Variants in TTLL3 observed in about 807,000 individuals in gnomAD.
TTLL3 encodes tubulin monoglycylase TTLL3.
Under a neutral mutation model 75.2 loss-of-function variants are expected in TTLL3, and 63 were observed. That is an observed-to-expected ratio of 0.84 (90% CI 0.68 to 1.03). TTLL3 has a LOEUF of 1.03. Among genes scored for constraint, TTLL3 ranks in the 50% least tolerant of loss-of-function variants. TTLL3 has a pLI of 0.00. For synonymous variants in TTLL3, 393 were observed against 418.5 expected, an observed-to-expected ratio of 0.94 and a Z score of 0.74; for missense variants, 997 against 1,069.9, an observed-to-expected ratio of 0.93 and a Z score of 0.95.
chr3:9,817,053 T>C (rs1345610157), intron 5 of TTLL3, among the ~76,000 whole-genome samples: 3 of 152,148 alleles, frequency 2.0e-5, no homozygotes, highest in African/African-American at 7.2e-5. Context: ...CCTCAAGCAG[T>C]CCTCCCACTT....
chr3:9,830,807 T>C (rs1054627852), intron 11 of TTLL3, among the ~76,000 whole-genome samples: 3 of 151,968 alleles, frequency 2.0e-5, no homozygotes, highest in African/African-American at 7.3e-5. Context: ...GCCCCCCAAA[T>C]ATCTTTTTTT....
chr3:9,818,077 T>C (rs1451361180), intron 6 of TTLL3: 10 of 223,414 alleles, frequency 4.5e-5, no homozygotes, highest in Non-Finnish European at 7.9e-5. Context: ...ATTTGTTGAA[T>C]TGGGTTCCAA....
intron 13 of TTLL3, 74 bp from the exon 14 acceptor site, chr3:9,835,020 C>A: frequency 6.3e-7 from 1 of 1,594,610 alleles, no homozygotes. Context: ...AAGGGAAGAG[C>A]TGGTCTCCCT....
Position 9,810,298 on chromosome 3 carries a change from A to G in TTLL3, c.-138A>G, listed in dbSNP as rs2125660852. On this transcript the variant is annotated 5_prime_UTR_variant, in exon 1 of 14. Transcript: ENST00000685419. This position sits in a 1 kb window ranked among gnomAD's most constrained non-coding sequence, Gnocchi z 4.4. ...TGCGCGCCGCCTCAGCGGCGCCTTC[A>G]AGACGCTGGTCCCAGGCACCCACGC... 1 of 1,495,510 alleles carries G rather than the reference A, an allele frequency of 6.7e-7. No homozygotes were observed. The highest frequency in any genetic ancestry group is 8.8e-7 in the Non-Finnish European group (1 of 1,133,034). 92.6% of individuals were successfully genotyped at this position (1,495,510 alleles called of 1,614,324 possible). A position where few individuals can be genotyped will look rare whatever the true frequency, so the allele number is the denominator to read the frequency against.
chr3:9,835,418 T>C lies in TTLL3; in HGVS notation c.2377T>C (p.Ser793Pro). 6.2e-7 allele frequency: 1 copy of C among 1,613,012 alleles called. No homozygotes were observed. The highest frequency in any genetic ancestry group is 8.5e-7 in the Non-Finnish European group (1 of 1,179,994). Residue 793 changes from serine (S) to proline (P), a missense_variant, in exon 14 of 14, where the codon TCC becomes CCC. Ser to Pro is a moderately conservative substitution (Grantham distance 74). Coordinates refer to ENST00000685419, the MANE Select transcript of TTLL3 (RefSeq NM_001387446.1). Reference sequence around the variant, plus strand: ...ACAAGTGAAGTATTTGGGGCTTGACTCCATTGCTGTTGGAGGGTCAAGAGT... The same window carrying C: ...ACAAGTGAAGTATTTGGGGCTTGACCCCATTGCTGTTGGAGGGTCAAGAGT... Reference protein sequence around the residue: ...KKQVKYLGLDSIAVGGSRVDG... With the variant: ...KKQVKYLGLDPIAVGGSRVDG...
intron 8 of TTLL3, 74 bp downstream of exon 8, chr3:9,820,815 C>T: frequency 5.1e-6 from 8 of 1,554,756 alleles, no homozygotes; most frequent in Non-Finnish European, 6.9e-6. Flanking sequence ...CTCGTGCAGC[C>T]CCTACCCCTT....
chr3:9,816,009 G>T (rs887782971), intron 4 of TTLL3, 65 bp from the exon 5 acceptor site: 1 of 1,290,092 alleles, frequency 7.8e-7, no homozygotes, highest in Non-Finnish European at 1.0e-6. Context: ...AGGGCAGGGA[G>T]AGGCTGCCTT....
intron 4 of TTLL3, among the ~76,000 whole-genome samples, chr3:9,815,254 A>G (rs1264786176): frequency 6.6e-6 from 1 of 151,516 alleles, no homozygotes; most frequent in Non-Finnish European, 1.5e-5. Context: ...AAAAAAAAAA[A>G]AGCCATTTCT....
chr3:9,815,003 C>G (rs2079697642), intron 4 of TTLL3, among the ~76,000 whole-genome samples: 1 of 151,800 alleles, frequency 6.6e-6, no homozygotes, highest in Admixed American at 6.6e-5. Flanking sequence ...TTTGGGAGGC[C>G]AAGGCGGGTG....
intron 8 of TTLL3, among the ~76,000 whole-genome samples, chr3:9,824,167 A>G (rs899006655): frequency 6.6e-6 from 1 of 152,212 alleles, no homozygotes; most frequent in Non-Finnish European, 1.5e-5. Context: ...AAATAAGCAC[A>G]TGTGTTAGGT....
intron 4 of TTLL3, 111 bp downstream of exon 4, chr3:9,813,456 T>C: frequency 8.0e-7 from 1 of 1,244,426 alleles, no homozygotes. Context: ...GGCCACAGTT[T>C]CCCTATCTGT....
intron 4 of TTLL3, among the ~76,000 whole-genome samples, chr3:9,815,223 A>G (rs943520766): frequency 1.4e-5 from 2 of 140,636 alleles, no homozygotes; most frequent in Admixed American, 7.3e-5. Flanking sequence ...CCTGGGCGAC[A>G]AGAGTCAGAC....
chr3:9,817,538 G>A (rs1487115218), intron 5 of TTLL3, 107 bp from the exon 6 acceptor site: 6 of 1,583,264 alleles, frequency 3.8e-6, no homozygotes, highest in South Asian at 1.1e-5. Context: ...CCTTGCAAGC[G>A]GGGCCAAGGC....
rs762718613 is a variant in TTLL3, at chr3:9,834,429, G to A, written c.1826-252G>A. The A allele has an allele frequency of 6.0e-5, 41 of 684,976 alleles. No individual in the cohort carries two copies. The Middle Eastern group carries it at 4.0e-3, about 66-fold the overall frequency. The allele number at this position is 684,976 out of a possible 1,614,324, so 42.4% of individuals were successfully genotyped here. A position where few individuals can be genotyped will look rare whatever the true frequency, so the allele number is the denominator to read the frequency against. ...GTGCTATTATCCCCATTTTCCAGCC[G>A]AGGTATCAGGAAGTTTAAGGAAGTT... On this transcript the variant is annotated intron_variant, in intron 12 of 13. Coordinates refer to ENST00000685419, the MANE Select transcript of TTLL3 (RefSeq NM_001387446.1).
intron 11 of TTLL3, among the ~76,000 whole-genome samples, chr3:9,831,479 T>C (rs972945684): frequency 2.0e-5 from 3 of 152,194 alleles, no homozygotes; most frequent in Non-Finnish European, 2.9e-5. Context: ...TCACAGTTAG[T>C]GCTGCTGAGT....
rs112586634 is a variant in TTLL3 at position 9,826,748 on chromosome 3, A to G, written c.1004-249A>G. Among the ~76,000 whole-genome samples, 365 of 139,228 alleles carry G rather than the reference A, an allele frequency of 2.6e-3. 3 individuals carry two copies. The highest frequency in any genetic ancestry group is 7.8e-3 in the South Asian group (34 of 4,338). 91.3% of individuals were successfully genotyped at this position (139,228 alleles called of 152,430 possible). ...CTCAAAAAAAAAAAAAAAAAAAAAA[A>G]GTCCAGCACTTTAAATTTGTATCCA... On this transcript the variant is annotated intron_variant, in intron 9 of 13. Coordinates refer to ENST00000685419, the MANE Select transcript of TTLL3 (RefSeq NM_001387446.1).
chr3:9,829,538 C>A, intron 11 of TTLL3, 143 bp downstream of exon 11: 1 of 1,069,190 alleles, frequency 9.4e-7, no homozygotes, highest in East Asian at 2.7e-5. Context: ...ACCTCACTTC[C>A]TTGAGCCTCA....
chr3:9,831,553 C>G (rs1368567167), intron 11 of TTLL3, among the ~76,000 whole-genome samples: 1 of 152,132 alleles, frequency 6.6e-6, no homozygotes, highest in African/African-American at 2.4e-5. Context: ...CTCCCCTTTG[C>G]AATTAATTTT....
At chr3:9,834,631 G>A (rs749503947) in intron 12 of TTLL3, 50 bp from the exon 13 acceptor site, 7 of 1,608,946 alleles carry the variant, frequency 4.4e-6, no homozygotes, top group Admixed American at 1.7e-5. Context: ...GGGCAGCTAG[G>A]CCACCTTGGG....
Sources: allele counts gnomAD v4.1 joint callset (sites outside exome capture counted in the v4.1 genomes callset), GRCh38; gene constraint gnomAD v4.1.1; non-coding constraint Gnocchi (gnomAD v3.1); transcripts MANE v1.5; gene names NCBI Gene and HGNC (gene_info 2026-07-23, HGNC 2026-07-21).